KCNIP1: variants seen among roughly 807,000 people sequenced by gnomAD.
The protein encoded by KCNIP1 is A-type potassium channel modulatory protein KCNIP1.
A neutral mutation model predicts 33.0 loss-of-function variants in KCNIP1; 18 were observed. The ratio of observed to expected loss-of-function variants is 0.55; its 90% CI spans 0.38 to 0.81. The LOEUF (loss-of-function observed/expected upper bound fraction) is 0.81, where lower values mean the gene tolerates loss of function less well. Among genes scored for constraint, KCNIP1 ranks in the 30% least tolerant of loss-of-function variants. The pLI is 0.00. For synonymous variants in KCNIP1, 93 were observed against 98.3 expected (o/e 0.95, Z 0.32); for missense variants, 238 against 271.6 (o/e 0.88, Z 0.87).
At chr5:170,625,819 T>A (rs1759799194) in intron 1 of KCNIP1, among the ~76,000 whole-genome samples, 1 of 152,100 alleles carries the variant, frequency 6.6e-6, no homozygotes, top group Non-Finnish European at 1.5e-5. Flanking sequence ...TAAAACATGA[T>A]GCTTAGAGAT....
At chr5:170,480,605 AATTTTTTGT>A (rs1231743735) in intron 1 of KCNIP1, among the ~76,000 whole-genome samples, 1 of 150,964 alleles carries the variant, frequency 6.6e-6, no homozygotes, top group Non-Finnish European at 1.5e-5. Flanking sequence ...ACGCCTGGTT[AATTTTTTGT>A]ATTTTTTGTA....
rs1208446196 is a variant in KCNIP1 at position 170,489,568 on chromosome 5, G to A, written c.88+135604G>A. Among the ~76,000 whole-genome samples, 1 of 152,220 alleles carries A rather than the reference G, an allele frequency of 6.6e-6. No individual in the cohort carries two copies. The highest frequency in any genetic ancestry group is 2.4e-5 in the African/African-American group (1 of 41,452). ...TGGTGTGCACCCACACCTTCAGACAGTTCTGAGCAGACCACGCAAAATACA... is the reference window on the plus strand; with the variant it reads ...TGGTGTGCACCCACACCTTCAGACAATTCTGAGCAGACCACGCAAAATACA... On this transcript the variant is annotated intron_variant, in intron 1 of 7. Coordinates refer to the KCNIP1 transcript ENST00000377360. This position sits in a 1 kb window ranked among gnomAD's most constrained non-coding sequence, Gnocchi z 4.3.
chr5:170,691,832 G>T (rs1260839527), intron 1 of KCNIP1, among the ~76,000 whole-genome samples: 2 of 152,034 alleles, frequency 1.3e-5, no homozygotes, highest in Admixed American at 1.3e-4. Context: ...TGCAGGGCAA[G>T]GTCCTGGAGG....
At chr5:170,580,537 C>T (rs770474665) in intron 1 of KCNIP1, among the ~76,000 whole-genome samples, 3 of 152,166 alleles carry the variant, frequency 2.0e-5, no homozygotes, top group South Asian at 2.1e-4. Context: ...CACTGCCTCC[C>T]GCCTCATGCT....
intron 1 of KCNIP1, among the ~76,000 whole-genome samples, chr5:170,359,498 C>T (rs113459552): frequency 2.6e-5 from 4 of 152,272 alleles, no homozygotes; most frequent in South Asian, 2.1e-4. Flanking sequence ...AGTCCTGGCT[C>T]GCTCACTGTC....
rs372878133 is a variant in KCNIP1, at chr5:170,427,481, C to T, written c.88+73517C>T. Among the ~76,000 whole-genome samples, 75 of 152,300 alleles carry T rather than the reference C, an allele frequency of 4.9e-4. 1 individual carries two copies. The highest frequency in any genetic ancestry group is 2.5e-3 in the East Asian group (13 of 5,184). On this transcript the variant is annotated intron_variant, in intron 1 of 7. Coordinates refer to the KCNIP1 transcript ENST00000377360. ...TTGAGATAGGCACAGAAAGGGGAAG[C>T]GACTTCCCAGGTTCACATTGCCAGT... is the stretch of plus-strand genomic sequence containing the variant.
intron 1 of KCNIP1, among the ~76,000 whole-genome samples, chr5:170,602,087 A>G (rs1220190664): frequency 6.6e-6 from 1 of 152,220 alleles, no homozygotes; most frequent in Non-Finnish European, 1.5e-5. Flanking sequence ...CCCACAGCAC[A>G]TGCCAACCTT....
chr5:170,727,084 A>T (rs1592987), intron 5 of KCNIP1, among the ~76,000 whole-genome samples: 34,793 of 152,190 alleles, frequency 0.23, 5,376 homozygotes, highest in East Asian at 0.81. Flanking sequence ...GGGTAAATAC[A>T]TCATAGTCTG....
intron 1 of KCNIP1, among the ~76,000 whole-genome samples, chr5:170,633,866 A>G (rs1216205352): frequency 6.6e-6 from 1 of 151,952 alleles, no homozygotes; most frequent in African/African-American, 2.4e-5. Context: ...CAGAAACAAG[A>G]GCTGATGACA....
intron 1 of KCNIP1, among the ~76,000 whole-genome samples, chr5:170,358,127 C>T (rs1166797900): frequency 6.6e-6 from 1 of 152,132 alleles, no homozygotes. Context: ...TCCATTCTGG[C>T]TGGGGAGGTT....
At chr5:170,622,343 C>T (rs537804859) in intron 1 of KCNIP1, among the ~76,000 whole-genome samples, 58 of 152,096 alleles carry the variant, frequency 3.8e-4, no homozygotes, top group African/African-American at 1.3e-3. Context: ...GGATACAGGC[C>T]GGGGCCAGTA....
intron 1 of KCNIP1, among the ~76,000 whole-genome samples, chr5:170,558,568 C>A (rs1168996121): frequency 6.6e-6 from 1 of 152,166 alleles, no homozygotes; most frequent in Non-Finnish European, 1.5e-5. Context: ...CTCACAGTGA[C>A]CCTACTGGGC....
chr5:170,641,336 G>A (rs575948502), intron 1 of KCNIP1, among the ~76,000 whole-genome samples: 2 of 152,334 alleles, frequency 1.3e-5, no homozygotes, highest in East Asian at 3.9e-4. Context: ...GCTCTGCTCT[G>A]CTGGGGGAAG....
At chr5:170,430,552 G>C (rs976063287) in intron 1 of KCNIP1, among the ~76,000 whole-genome samples, 1 of 152,140 alleles carries the variant, frequency 6.6e-6, no homozygotes, top group Non-Finnish European at 1.5e-5. Flanking sequence ...TATCATACCC[G>C]GTATGGCTAG....
intron 1 of KCNIP1, among the ~76,000 whole-genome samples, chr5:170,662,289 A>G (rs1761529331): frequency 6.6e-6 from 1 of 152,022 alleles, no homozygotes; most frequent in South Asian, 2.1e-4. Context: ...TCTTCCCACT[A>G]GAGAATTTAT....
chr5:170,683,935 T>TGTGTGTGTG (rs71575591), intron 1 of KCNIP1, among the ~76,000 whole-genome samples: 2 of 149,256 alleles, frequency 1.3e-5, no homozygotes, highest in African/African-American at 5.0e-5. Flanking sequence ...TGTGTGTGTG[T>TGTGTGTGTG]TAGTAGAGAC....
intron 1 of KCNIP1, among the ~76,000 whole-genome samples, chr5:170,549,768 C>T (rs908890961): frequency 6.6e-6 from 1 of 152,228 alleles, no homozygotes; most frequent in African/African-American, 2.4e-5. Flanking sequence ...ATAAAGAAGC[C>T]TATTTAATTT....
chr5:170,658,147 G>A (rs111672671), intron 1 of KCNIP1, among the ~76,000 whole-genome samples: 174 of 152,322 alleles, frequency 1.1e-3, no homozygotes, highest in African/African-American at 4.1e-3. Flanking sequence ...AAAGAGAATA[G>A]GGTGCTACAT....
At chr5:170,492,826 C>T (rs1481661858) in intron 1 of KCNIP1, among the ~76,000 whole-genome samples, 2 of 152,146 alleles carry the variant, frequency 1.3e-5, no homozygotes, top group East Asian at 3.9e-4. Flanking sequence ...AGTGCAGTGG[C>T]ACAACATCTG....
Sources: allele counts gnomAD v4.1 joint callset (sites outside exome capture counted in the v4.1 genomes callset), GRCh38; gene constraint gnomAD v4.1.1; non-coding constraint Gnocchi (gnomAD v3.1); transcripts MANE v1.5; gene names NCBI Gene and HGNC (gene_info 2026-07-23, HGNC 2026-07-21).